Variants in ZFHX3 observed in about 807,000 individuals in gnomAD.
The protein encoded by ZFHX3 is zinc finger homeobox protein 3.
A neutral mutation model predicts 279.1 loss-of-function variants in ZFHX3; 42 were observed. The ratio of observed to expected loss-of-function variants is 0.15; its 90% CI spans 0.12 to 0.19. ZFHX3 has a LOEUF of 0.19. Ranked by LOEUF, ZFHX3 falls within the 10% of genes least tolerant of loss-of-function variation. ZFHX3 has a pLI of 1.00. For missense variants in ZFHX3, 4,981 were observed against 4,754.0 expected (o/e 1.05, Z -1.40); for synonymous variants, 2,293 against 1,957.8 (o/e 1.17, Z -4.52).
rs1319900226 is a variant in ZFHX3 at position 72,933,820 on chromosome 16, T to TC, written c.3216+16648_3216+16649insG. Among the ~76,000 whole-genome samples, 180 of 110,872 alleles carry TC rather than the reference T, an allele frequency of 1.6e-3. 3 individuals are homozygous for TC. In the East Asian group the frequency reaches 0.018, roughly 11 times the overall value. 72.7% of individuals were successfully genotyped at this position (110,872 alleles called of 152,430 possible). A position where few individuals can be genotyped will look rare whatever the true frequency, so the allele number is the denominator to read the frequency against. ...TGTTTAGCTCACAACTTTCTTTTTT[T>TC]TTTTTTTTTTTTTTTTGAGACAGAG... On this transcript the variant is annotated intron_variant, in intron 3 of 9. Coordinates refer to ENST00000268489, the MANE Select transcript of ZFHX3 (RefSeq NM_006885.4).
At chr16:73,720,907 C>A (rs939397093) in intron 1 of ZFHX3, among the ~76,000 whole-genome samples, 1 of 152,114 alleles carries the variant, frequency 6.6e-6, no homozygotes, top group Non-Finnish European at 1.5e-5. Context: ...AAGTTAATAT[C>A]CCTAACTTTT....
intron 7 of ZFHX3, among the ~76,000 whole-genome samples, chr16:73,107,335 A>G (rs1966317546): frequency 6.6e-6 from 1 of 151,966 alleles, no homozygotes; most frequent in Non-Finnish European, 1.5e-5. Flanking sequence ...AAAATAAAAT[A>G]TAAAATAAAA....
At chr16:73,806,951 C>T (rs1244249443) in intron 1 of ZFHX3, among the ~76,000 whole-genome samples, 1 of 152,148 alleles carries the variant, frequency 6.6e-6, no homozygotes, top group East Asian at 1.9e-4. Context: ...CATCCAATTC[C>T]ACCAACCACG....
intron 5 of ZFHX3, among the ~76,000 whole-genome samples, chr16:73,202,767 T>G (rs1422243988): frequency 6.6e-6 from 1 of 152,108 alleles, no homozygotes; most frequent in Admixed American, 6.6e-5. Context: ...TCCTTCTCTC[T>G]GGAACGACCA....
intron 3 of ZFHX3, among the ~76,000 whole-genome samples, chr16:72,931,320 T>C (rs1959785951): frequency 6.6e-6 from 1 of 151,774 alleles, no homozygotes; most frequent in Non-Finnish European, 1.5e-5. Flanking sequence ...TTCTCCTTCT[T>C]TCAAATCAAG....
At chr16:73,518,244 A>G (rs992260011) in intron 2 of ZFHX3, among the ~76,000 whole-genome samples, 2 of 152,180 alleles carry the variant, frequency 1.3e-5, no homozygotes, top group African/African-American at 4.8e-5. Context: ...CTTTCGCTGG[A>G]CTACTTAAAG....
chr16:72,975,686 A>C (rs1962318963), intron 1 of ZFHX3, among the ~76,000 whole-genome samples: 1 of 152,164 alleles, frequency 6.6e-6, no homozygotes, highest in Non-Finnish European at 1.5e-5. Context: ...TTTCTTCTTG[A>C]AGTGTAAGGA....
At chr16:73,678,160 C>T (rs983620038) in intron 2 of ZFHX3, among the ~76,000 whole-genome samples, 21 of 152,060 alleles carry the variant, frequency 1.4e-4, no homozygotes, top group East Asian at 1.9e-4. Context: ...TTTATATTAG[C>T]AAAATCAGAA....
chr16:72,851,328 A>C (rs75835400), intron 4 of ZFHX3, among the ~76,000 whole-genome samples: 4,460 of 152,206 alleles, frequency 0.029, 471 homozygotes, highest in East Asian at 0.2. Flanking sequence ...CATTCTATGC[A>C]AAGGTCACCC....
At chr16:72,884,172 A>G (rs559774690) in intron 4 of ZFHX3, among the ~76,000 whole-genome samples, 175 of 152,340 alleles carry the variant, frequency 1.1e-3, no homozygotes, top group African/African-American at 4.0e-3. Flanking sequence ...CAACACCCTG[A>G]AACTTGGTTT....
chr16:73,105,631 T>A (rs1966294797), intron 7 of ZFHX3, among the ~76,000 whole-genome samples: 1 of 151,790 alleles, frequency 6.6e-6, no homozygotes, highest in Non-Finnish European at 1.5e-5. Context: ...CGGGCACCTA[T>A]AATCCCAGCT....
intron 1 of ZFHX3, among the ~76,000 whole-genome samples, chr16:73,025,357 G>C (rs1415890034): frequency 1.3e-5 from 2 of 152,216 alleles, no homozygotes; most frequent in African/African-American, 4.8e-5. Flanking sequence ...CACCATGGTG[G>C]TTTGCAGAGC....
At chr16:72,911,644 T>C (rs1242199354) in intron 3 of ZFHX3, among the ~76,000 whole-genome samples, 1 of 152,188 alleles carries the variant, frequency 6.6e-6, no homozygotes, top group South Asian at 2.1e-4. Context: ...ACTAGCCACA[T>C]GTGACTATTT....
At chr16:73,782,415 A>C (rs555213660) in intron 1 of ZFHX3, among the ~76,000 whole-genome samples, 25 of 152,184 alleles carry the variant, frequency 1.6e-4, no homozygotes, top group Middle Eastern at 3.2e-3. Context: ...TAAAGGGCCC[A>C]TTATCCCTGG....
rs963208621 is a variant in ZFHX3 at position 73,581,812 on chromosome 16, G to A, written c.-1547+98368C>T. Among the ~76,000 whole-genome samples the A allele has an allele frequency of 4.0e-5, 6 of 151,070 alleles. 1 individual carries two copies. Among genetic ancestry groups the A allele is most frequent in the African/African-American group, 1.2e-4 (5 of 40,796 alleles). ...CAGCCTCCCAAGTAGCTGGACTATA[G>A]GCATGTGCCACCACACACACCTGGC... On this transcript the variant is annotated intron_variant, in intron 2 of 17. Coordinates refer to the ZFHX3 transcript ENST00000641206.
intron 2 of ZFHX3, among the ~76,000 whole-genome samples, chr16:73,676,706 T>C (rs943057834): frequency 5.3e-5 from 8 of 151,778 alleles, no homozygotes; most frequent in Non-Finnish European, 1.0e-4. Flanking sequence ...CAAATCCAAT[T>C]ATGTATCAAT....
intron 3 of ZFHX3, among the ~76,000 whole-genome samples, chr16:73,449,487 C>A (rs114703088): frequency 0.017 from 2,567 of 152,008 alleles, 68 homozygotes; most frequent in African/African-American, 0.058. Flanking sequence ...CATAGCAAGA[C>A]CCCATCTCAA....
At chr16:73,479,532 C>A (rs145754979) in intron 2 of ZFHX3, among the ~76,000 whole-genome samples, 1 of 152,296 alleles carries the variant, frequency 6.6e-6, no homozygotes, top group African/African-American at 2.4e-5. Context: ...GGGCTGCACT[C>A]CTGAGACATC....
intron 7 of ZFHX3, among the ~76,000 whole-genome samples, chr16:73,097,987 C>T (rs1239343078): frequency 4.6e-5 from 7 of 151,934 alleles, no homozygotes; most frequent in Admixed American, 2.0e-4. Context: ...TGTTGATGGA[C>T]GCTTGGGTTG....
Sources: gnomAD v4.1 joint callset for allele counts (sites outside exome capture counted in the v4.1 genomes callset) on GRCh38, gnomAD v4.1.1 for gene constraint, MANE v1.5 for transcripts, NCBI Gene and HGNC (gene_info 2026-07-23, HGNC 2026-07-21) for gene names.